SYNPR: variants seen among roughly 807,000 people sequenced by gnomAD.
The protein encoded by SYNPR is synaptoporin.
Under a neutral mutation model 32.9 loss-of-function variants are expected in SYNPR, and 23 were observed. That is an observed-to-expected ratio of 0.70 (90% confidence interval 0.50 to 0.99). SYNPR has a LOEUF of 0.99. SYNPR is among the 50% of genes least tolerant of loss of function. The pLI is 0.00. For missense variants in SYNPR, 318 were observed against 349.3 expected, an observed-to-expected ratio of 0.91 and a Z score of 0.71; for synonymous variants, 146 against 135.9, an observed-to-expected ratio of 1.07 and a Z score of -0.52.
At chr3:63,319,688 C>T (rs1207615255) in intron 2 of SYNPR, among the ~76,000 whole-genome samples, 1 of 151,576 alleles carries the variant, frequency 6.6e-6, no homozygotes, top group East Asian at 2.0e-4. Context: ...TGTTAAAATG[C>T]CCATACTGCC....
rs567033591 is a variant in SYNPR, at chr3:63,300,614, C to T, written c.84+21872C>T. On this transcript the variant is annotated intron_variant, in intron 2 of 5. Coordinates refer to ENST00000478300, the MANE Select transcript of SYNPR (RefSeq NM_001130003.2). ...AATTGCCTTTGGCTGAATGAAACCACCTCACCCCAAGCTTATATCCTGCCC... is the reference window on the plus strand; with the variant it reads ...AATTGCCTTTGGCTGAATGAAACCATCTCACCCCAAGCTTATATCCTGCCC... 1.1e-4 allele frequency among the ~76,000 whole-genome samples: 16 copies of T among 152,166 alleles called. No individual in the cohort carries two copies. The South Asian group carries it at 3.1e-3, about 30-fold the overall frequency.
intron 1 of SYNPR, among the ~76,000 whole-genome samples, chr3:63,230,736 G>A (rs2086160372): frequency 6.6e-6 from 1 of 152,106 alleles, no homozygotes; most frequent in Admixed American, 6.5e-5. Context: ...CTATAAAATG[G>A]GGATAATAAC....
intron 2 of SYNPR, among the ~76,000 whole-genome samples, chr3:63,367,801 C>T (rs1159108814): frequency 1.3e-5 from 2 of 152,314 alleles, no homozygotes; most frequent in East Asian, 1.9e-4. Flanking sequence ...CTCACACCTA[C>T]ATGTTTCTTC....
chr3:63,566,925 G>A (rs1702799080), intron 4 of SYNPR, among the ~76,000 whole-genome samples: 1 of 152,072 alleles, frequency 6.6e-6, no homozygotes, highest in Non-Finnish European at 1.5e-5. Flanking sequence ...CTCTGTAACT[G>A]GTGTTGATTA....
In SYNPR at chr3:63,278,716, C is replaced by A; in HGVS notation, c.58C>A (p.Leu20Ile). Residue 20 changes from leucine (L) to isoleucine (I), a missense_variant, in exon 2 of 6, where the codon CTT becomes ATT. Physicochemically the swap from Leu to Ile is conservative, Grantham distance 5 (BLOSUM62 2). Transcript: ENST00000478300. The part of the protein sequence containing the change: ...AGTFRVLKEP[L>I]AFLRALELLF... ...CACCTTCCGGGTGCTGAAGGAGCCCCTTGCCTTCCTGCGAGCCCTGGAATT... is the reference window on the plus strand; with the variant it reads ...CACCTTCCGGGTGCTGAAGGAGCCCATTGCCTTCCTGCGAGCCCTGGAATT... 2 of 1,551,658 alleles carry A rather than the reference C, an allele frequency of 1.3e-6. No homozygotes were observed. Among genetic ancestry groups the A allele is most frequent in the Non-Finnish European group, 1.7e-6 (2 of 1,146,974 alleles).
At chr3:63,320,948 G>A (rs1250970125) in intron 2 of SYNPR, among the ~76,000 whole-genome samples, 1 of 151,978 alleles carries the variant, frequency 6.6e-6, no homozygotes, top group Non-Finnish European at 1.5e-5. Flanking sequence ...CTTTGATTAT[G>A]TCAATCTATT....
chr3:63,341,026 A>C (rs1055907086), intron 2 of SYNPR, among the ~76,000 whole-genome samples: 2 of 152,158 alleles, frequency 1.3e-5, no homozygotes, highest in Non-Finnish European at 2.9e-5. Context: ...TCTATGCTCT[A>C]TCTAGTCATC....
intron 2 of SYNPR, among the ~76,000 whole-genome samples, chr3:63,419,919 C>T (rs1040812616): frequency 6.6e-6 from 1 of 152,098 alleles, no homozygotes; most frequent in African/African-American, 2.4e-5. Context: ...GTGAAGATTC[C>T]AGTTTTTTCA....
chr3:63,597,763 T>C (rs1381968212), intron 4 of SYNPR, among the ~76,000 whole-genome samples: 4 of 152,226 alleles, frequency 2.6e-5, no homozygotes, highest in East Asian at 1.9e-4. Context: ...ACGATCTTCG[T>C]TGAAAACTGT....
intron 3 of SYNPR, among the ~76,000 whole-genome samples, chr3:63,484,915 C>G (rs913196127): frequency 2.0e-5 from 3 of 151,986 alleles, no homozygotes; most frequent in African/African-American, 7.2e-5. Context: ...TTATAGAAGA[C>G]CTTGAATTCC....
Position 63,281,209 on chromosome 3 carries a change from C to T in SYNPR, c.84+2467C>T, listed in dbSNP as rs140975819. On this transcript the variant is annotated intron_variant, in intron 2 of 5. Coordinates refer to ENST00000478300, the MANE Select transcript of SYNPR (RefSeq NM_001130003.2). The stretch of plus-strand genomic sequence containing the variant: ...TTTCCCTCACTGGTTCCTTTCATAG[C>T]GCTTGGTTAAACAGCAAGTAATCAG... Among the ~76,000 whole-genome samples, 678 of 152,194 alleles carry T rather than the reference C, an allele frequency of 4.5e-3. 5 individuals are homozygous for T. Among genetic ancestry groups the T allele is most frequent in the Non-Finnish European group, 4.0e-3 (274 of 68,026 alleles).
intron 3 of SYNPR, among the ~76,000 whole-genome samples, chr3:63,535,929 T>C (rs1702197516): frequency 6.6e-6 from 1 of 151,966 alleles, no homozygotes; most frequent in African/African-American, 2.4e-5. Context: ...AAAAAATAGA[T>C]AAACTGGATT....
intron 2 of SYNPR, among the ~76,000 whole-genome samples, chr3:63,460,392 C>T (rs1700560842): frequency 6.6e-6 from 1 of 151,986 alleles, no homozygotes; most frequent in African/African-American, 2.4e-5. Context: ...TTCTATGCAT[C>T]CTTTGGGCAA....
chr3:63,293,139 T>G (rs1451668741), intron 2 of SYNPR, among the ~76,000 whole-genome samples: 1 of 152,224 alleles, frequency 6.6e-6, no homozygotes, highest in Non-Finnish European at 1.5e-5. Flanking sequence ...ACCATGTTTG[T>G]GCTACCTACA....
intron 3 of SYNPR, chr3:63,267,599 C>T (rs1265251433): frequency 6.6e-6 from 1 of 152,208 alleles, no homozygotes; most frequent in Non-Finnish European, 1.5e-5. Context: ...CTATCAGAAG[C>T]TGTTAGTTAA....
chr3:63,248,963 T>C (rs1225939415), intron 1 of SYNPR, among the ~76,000 whole-genome samples: 1 of 152,136 alleles, frequency 6.6e-6, no homozygotes, highest in East Asian at 1.9e-4. Flanking sequence ...AGTTTTGTTT[T>C]TTTTACCTAT....
chr3:63,476,431 A>G (rs1700926412), intron 2 of SYNPR, among the ~76,000 whole-genome samples: 1 of 151,850 alleles, frequency 6.6e-6, no homozygotes, highest in Non-Finnish European at 1.5e-5. Flanking sequence ...GAAGGAAAGA[A>G]AGATAAAAAG....
chr3:63,577,695 A>C (rs1703009818), intron 4 of SYNPR, among the ~76,000 whole-genome samples: 1 of 152,154 alleles, frequency 6.6e-6, no homozygotes, highest in Non-Finnish European at 1.5e-5. Flanking sequence ...TGGAGGACTT[A>C]GTAAGAAATA....
At chr3:63,478,607 A>G (rs1458967885) in intron 2 of SYNPR, among the ~76,000 whole-genome samples, 1 of 152,144 alleles carries the variant, frequency 6.6e-6, no homozygotes, top group Non-Finnish European at 1.5e-5. Flanking sequence ...CCTATCACAC[A>G]CTTATGACTC....
Sources: allele counts gnomAD v4.1 joint callset (sites outside exome capture counted in the v4.1 genomes callset), GRCh38; gene constraint gnomAD v4.1.1; transcripts MANE v1.5; gene names NCBI Gene and HGNC (gene_info 2026-07-23, HGNC 2026-07-21).